PTPRN2: variants seen among roughly 807,000 people sequenced by gnomAD.
PTPRN2 encodes the protein receptor-type tyrosine-protein phosphatase N2.
In PTPRN2, 74 loss-of-function variants were observed where a neutral mutation model predicts 118.8. The ratio of observed to expected loss-of-function variants is 0.62; its 90% confidence interval spans 0.52 to 0.76. The LOEUF is 0.76. Among genes scored for constraint, PTPRN2 ranks in the 30% least tolerant of loss-of-function variants. The probability of loss-of-function intolerance (pLI) is 0.00; values close to 1 mark genes in which losing one functional copy is unlikely to be tolerated. For synonymous variants in PTPRN2, 641 were observed against 608.0 expected (o/e 1.05, Z -0.80); for missense variants, 1,481 against 1,394.4 (o/e 1.06, Z -0.99).
chr7:157,718,667 C>T (rs553697292), intron 12 of PTPRN2, among the ~76,000 whole-genome samples: 41 of 150,922 alleles, frequency 2.7e-4, no homozygotes, highest in African/African-American at 8.5e-4. Context: ...CAGGCATCCG[C>T]GGTGACACTG....
chr7:157,894,256 G>A (rs13245284), intron 12 of PTPRN2, among the ~76,000 whole-genome samples: 76,886 of 152,036 alleles, frequency 0.51, 20,040 homozygotes, highest in South Asian at 0.6. Context: ...ACTGAGAGGA[G>A]CAATCAAAAC....
intron 16 of PTPRN2, among the ~76,000 whole-genome samples, chr7:157,602,897 G>C (rs925059715): frequency 6.6e-6 from 1 of 152,232 alleles, no homozygotes; most frequent in South Asian, 2.1e-4. Flanking sequence ...CACCTGCCCC[G>C]TCTCACTCAG....
In PTPRN2 at chr7:158,027,048, G is replaced by A. The variant is rs150900670; in HGVS notation, c.1723+54250C>T. On this transcript the variant is annotated intron_variant, in intron 11 of 22. Transcript: ENST00000389418. ...ACAGCACACCTGCTCCTCCCATACC[G>A]AACCTCCATCATCTCCGCTGACCAG... Among the ~76,000 whole-genome samples the A allele has an allele frequency of 6.2e-3, 951 of 152,232 alleles. 9 individuals carry two copies. The highest frequency in any genetic ancestry group is 0.021 in the African/African-American group (889 of 41,548).
At chr7:158,083,898 G>T (rs974144711) in intron 10 of PTPRN2, among the ~76,000 whole-genome samples, 1 of 64,142 alleles carries the variant, frequency 1.6e-5, no homozygotes, top group Non-Finnish European at 4.0e-5. Context: ...GGTCGGTAAC[G>T]TGACCCCAAC....
At chr7:157,723,030 C>T (rs1799331115) in intron 12 of PTPRN2, among the ~76,000 whole-genome samples, 1 of 152,250 alleles carries the variant, frequency 6.6e-6, no homozygotes, top group Non-Finnish European at 1.5e-5. Context: ...CCCAGACTCT[C>T]ACCAATGCAG....
At chr7:158,115,383 T>C (rs1816649041) in intron 9 of PTPRN2, among the ~76,000 whole-genome samples, 1 of 152,018 alleles carries the variant, frequency 6.6e-6, no homozygotes, top group African/African-American at 2.4e-5. Flanking sequence ...TGTTCAGAAC[T>C]GTGAGTGAGA....
intron 10 of PTPRN2, among the ~76,000 whole-genome samples, chr7:158,107,693 A>G (rs1227170349): frequency 6.6e-6 from 1 of 152,126 alleles, no homozygotes; most frequent in Non-Finnish European, 1.5e-5. Flanking sequence ...AATTCTTCAA[A>G]TCCTGCTTCC....
chr7:158,301,626 T>C (rs1208106875), intron 3 of PTPRN2, among the ~76,000 whole-genome samples: 2 of 152,208 alleles, frequency 1.3e-5, no homozygotes, highest in African/African-American at 4.8e-5. Context: ...GAGGATTTAA[T>C]GAGTGGCACC....
intron 14 of PTPRN2, among the ~76,000 whole-genome samples, chr7:157,634,631 C>T (rs928943390): frequency 3.9e-5 from 6 of 152,270 alleles, no homozygotes; most frequent in South Asian, 4.1e-4. Context: ...TGAATTATCC[C>T]CCACAGGTCA....
At chr7:157,826,686 G>A (rs1334496278) in intron 12 of PTPRN2, among the ~76,000 whole-genome samples, 1 of 152,196 alleles carries the variant, frequency 6.6e-6, no homozygotes, top group Non-Finnish European at 1.5e-5. Context: ...ACAGGTGAGG[G>A]CCCTGGTAAT....
At chr7:158,167,822 G>A (rs1260848682) in intron 5 of PTPRN2, among the ~76,000 whole-genome samples, 1 of 152,194 alleles carries the variant, frequency 6.6e-6, no homozygotes, top group East Asian at 1.9e-4. Context: ...GCTGATGCTG[G>A]GGCATGGGCC....
intron 11 of PTPRN2, among the ~76,000 whole-genome samples, chr7:157,920,112 A>G (rs1213777086): frequency 2.0e-5 from 3 of 152,212 alleles, no homozygotes; most frequent in Non-Finnish European, 2.9e-5. Context: ...GCCAGATGAA[A>G]CATTTATCTG....
chr7:158,322,310 C>T (rs971231737), intron 2 of PTPRN2, among the ~76,000 whole-genome samples: 3 of 152,222 alleles, frequency 2.0e-5, no homozygotes, highest in Middle Eastern at 3.2e-3. Context: ...AGATGTTCAC[C>T]ACTGATGGTT....
At chr7:157,882,521 C>G (rs544095268) in intron 12 of PTPRN2, among the ~76,000 whole-genome samples, 1 of 145,818 alleles carries the variant, frequency 6.9e-6, no homozygotes, top group African/African-American at 2.6e-5. Context: ...AAATGACTGT[C>G]AAAGACCAGA....
At chr7:158,253,684 T>G (rs1397954949) in intron 3 of PTPRN2, among the ~76,000 whole-genome samples, 1 of 152,218 alleles carries the variant, frequency 6.6e-6, no homozygotes, top group Non-Finnish European at 1.5e-5. Flanking sequence ...GACTGGGGAC[T>G]TCCTTGAATA....
chr7:158,278,259 G>A (rs1218322753), intron 3 of PTPRN2, among the ~76,000 whole-genome samples: 3 of 152,096 alleles, frequency 2.0e-5, no homozygotes, highest in Non-Finnish European at 4.4e-5. Context: ...CACCTGCCAG[G>A]GGACCTCTGA....
chr7:158,472,718 A>G (rs889378585), intron 2 of PTPRN2, among the ~76,000 whole-genome samples: 6 of 152,176 alleles, frequency 3.9e-5, no homozygotes, highest in Non-Finnish European at 8.8e-5. Context: ...CTGCCTCAAA[A>G]GACAGAGCAG....
intron 12 of PTPRN2, among the ~76,000 whole-genome samples, chr7:157,698,648 G>A (rs971672843): frequency 6.6e-6 from 1 of 152,172 alleles, no homozygotes; most frequent in African/African-American, 2.4e-5. Context: ...AAAAAATACT[G>A]TTCATAAGCA....
chr7:158,222,395 T>C (rs113819324), intron 3 of PTPRN2, among the ~76,000 whole-genome samples: 5,394 of 152,150 alleles, frequency 0.035, 336 homozygotes, highest in African/African-American at 0.12. Context: ...TACACAGCCA[T>C]AAAAATAATG....
Sources: allele counts gnomAD v4.1 joint callset (sites outside exome capture counted in the v4.1 genomes callset), GRCh38; gene constraint gnomAD v4.1.1; transcripts MANE v1.5; gene names NCBI Gene and HGNC (gene_info 2026-07-23, HGNC 2026-07-21).